Variants in CFAP95 observed in about 807,000 individuals in gnomAD.
The protein encoded by CFAP95 is cilia and flagella associated protein 95, also known as cilia- and flagella-associated protein 95.
At chr9:69,842,889 G>T in the CFAP95 span, among the ~76,000 whole-genome samples, 3 of 152,194 alleles carry the variant, frequency 2.0e-5, no homozygotes, top group Non-Finnish European at 4.4e-5. Flanking sequence ...TTGCTGCTGG[G>T]TTCTACTGCA....
chr9:69,832,199 T>C, the CFAP95 span, among the ~76,000 whole-genome samples: 2 of 152,184 alleles, frequency 1.3e-5, no homozygotes, highest in South Asian at 4.1e-4. Flanking sequence ...AACGGACCAC[T>C]GCAAGCAGTC....
chr9:69,864,084 C>T, the CFAP95 span, among the ~76,000 whole-genome samples: 31 of 152,172 alleles, frequency 2.0e-4, no homozygotes, highest in African/African-American at 6.3e-4. Context: ...GAGAAGCACC[C>T]GAGGTAGACC....
chr9:69,852,220 G>A, the CFAP95 span, among the ~76,000 whole-genome samples: 14 of 151,590 alleles, frequency 9.2e-5, no homozygotes, highest in African/African-American at 2.9e-4. Context: ...GGGGAATGCT[G>A]CTTAACAGGC....
the CFAP95 span, among the ~76,000 whole-genome samples, chr9:69,897,257 AC>A: frequency 6.6e-6 from 1 of 152,260 alleles, no homozygotes; most frequent in Non-Finnish European, 1.5e-5. Context: ...AGTAAATGGA[AC>A]ACTCAAAATG....
At chr9:69,862,110 G>T in the CFAP95 span, among the ~76,000 whole-genome samples, 1 of 152,134 alleles carries the variant, frequency 6.6e-6, no homozygotes, top group African/African-American at 2.4e-5. Flanking sequence ...AGCCTAACCT[G>T]CAGCAAATAC....
the CFAP95 span, among the ~76,000 whole-genome samples, chr9:69,848,756 G>A: frequency 1.9e-3 from 285 of 152,268 alleles, no homozygotes; most frequent in Non-Finnish European, 3.2e-3. Context: ...CCAAGGTGGA[G>A]GAATGAGAAT....
the CFAP95 span, among the ~76,000 whole-genome samples, chr9:69,901,219 G>T: frequency 6.6e-6 from 1 of 151,240 alleles, no homozygotes. Context: ...CTCACTGCAA[G>T]CTCCGCCCCC....
chr9:69,838,192 T>C, the CFAP95 span, among the ~76,000 whole-genome samples: 1 of 152,222 alleles, frequency 6.6e-6, no homozygotes, highest in Non-Finnish European at 1.5e-5. Flanking sequence ...TTCTTTTGGC[T>C]TAGGATTGAC....
the CFAP95 span, among the ~76,000 whole-genome samples, chr9:69,896,742 G>T: frequency 6.6e-6 from 1 of 151,986 alleles, no homozygotes. Flanking sequence ...ATAAAACTTG[G>T]CCAGGTGCGG....
the CFAP95 span, among the ~76,000 whole-genome samples, chr9:69,832,620 A>T: frequency 9.2e-3 from 104 of 11,330 alleles, no homozygotes; most frequent in African/African-American, 0.015. Context: ...GTCTATTCGG[A>T]TTTTTTTTTT....
At chr9:69,905,892 GA>G in the CFAP95 span, 1 of 1,219,638 alleles carries the variant, frequency 8.2e-7, no homozygotes, top group Admixed American at 2.8e-5. Context: ...ATAAACTTTT[GA>G]AGATTACTTC....
chr9:69,862,970 C>T, the CFAP95 span, among the ~76,000 whole-genome samples: 1 of 152,154 alleles, frequency 6.6e-6, no homozygotes, highest in Non-Finnish European at 1.5e-5. Context: ...AAGAAAAGCG[C>T]TCTGTGAATA....
the CFAP95 span, among the ~76,000 whole-genome samples, chr9:69,885,399 T>C: frequency 1.3e-5 from 2 of 152,178 alleles, no homozygotes; most frequent in Admixed American, 1.3e-4. Context: ...TCTGGATTGA[T>C]AGCTGAGGTT....
the CFAP95 span, among the ~76,000 whole-genome samples, chr9:69,823,973 A>G: frequency 1.3e-5 from 2 of 152,146 alleles, no homozygotes. Context: ...CTGGCCATCT[A>G]GATGTGTACG....
the CFAP95 span, among the ~76,000 whole-genome samples, chr9:69,844,092 G>A: frequency 1.3e-5 from 2 of 151,968 alleles, no homozygotes; most frequent in Non-Finnish European, 1.5e-5. Context: ...ATCAATATGG[G>A]CAAATACTTT....
the CFAP95 span, among the ~76,000 whole-genome samples, chr9:69,883,117 A>G: frequency 1.1e-3 from 161 of 152,214 alleles, no homozygotes; most frequent in African/African-American, 3.6e-3. Flanking sequence ...TGATCTCATT[A>G]CTTGTTATTG....
At chr9:69,845,332 G>T in the CFAP95 span, among the ~76,000 whole-genome samples, 18 of 152,170 alleles carry the variant, frequency 1.2e-4, no homozygotes, top group Non-Finnish European at 1.9e-4. Context: ...CACGAGCTTT[G>T]TGGCTAGCTG....
the CFAP95 span, among the ~76,000 whole-genome samples, chr9:69,849,894 C>G: frequency 6.6e-6 from 1 of 152,176 alleles, no homozygotes; most frequent in Non-Finnish European, 1.5e-5. Flanking sequence ...AAACTATAGT[C>G]TTTTACCTGG....
At chr9:69,833,073 G>A in the CFAP95 span, among the ~76,000 whole-genome samples, 1 of 151,870 alleles carries the variant, frequency 6.6e-6, no homozygotes, top group African/African-American at 2.4e-5. Flanking sequence ...TAATTCAATG[G>A]CTTTTAGTAT....
Sources: gnomAD v4.1 joint callset for allele counts (sites outside exome capture counted in the v4.1 genomes callset) on GRCh38, gnomAD v4.1.1 for gene constraint, MANE v1.5 for transcripts, NCBI Gene and HGNC (gene_info 2026-07-23, HGNC 2026-07-21) for gene names.